Variants in ZFC3H1 observed in about 807,000 individuals in gnomAD.
ZFC3H1 encodes the protein zinc finger C3H1-type containing, also known as zinc finger C3H1 domain-containing protein.
A neutral mutation model predicts 243.7 loss-of-function variants in ZFC3H1; 71 were observed. The observed-to-expected ratio is 0.29, with a 90% CI of 0.24 to 0.36. The LOEUF (loss-of-function observed/expected upper bound fraction) is 0.36. Among genes scored for constraint, ZFC3H1 ranks in the 10% least tolerant of loss-of-function variants. ZFC3H1 has a pLI of 1.00. For synonymous variants in ZFC3H1, 838 were observed against 813.0 expected (o/e 1.03, Z -0.52); for missense variants, 1,966 against 2,317.1 (o/e 0.85, Z 3.11).
chr12:71,642,238 C>T (rs1880618666), intron 6 of ZFC3H1, among the ~76,000 whole-genome samples, 198 bp downstream of exon 6: 5 of 152,304 alleles, frequency 3.3e-5, no homozygotes, highest in African/African-American at 1.2e-4. Flanking sequence ...TCTAGAAACA[C>T]TCGGAAATAA....
chr12:71,658,211 T>G (rs953189680), intron 1 of ZFC3H1, among the ~76,000 whole-genome samples: 1 of 150,950 alleles, frequency 6.6e-6, no homozygotes, highest in Non-Finnish European at 1.5e-5. Flanking sequence ...TTGTTATACC[T>G]CATTTTTCCA....
intron 1 of ZFC3H1, among the ~76,000 whole-genome samples, chr12:71,661,015 C>G (rs951188133): frequency 3.3e-5 from 5 of 151,652 alleles, no homozygotes; most frequent in Admixed American, 2.6e-4. Context: ...TAAAAACCAT[C>G]CACATTGGCT....
intron 19 of ZFC3H1, 53 bp downstream of exon 19, chr12:71,629,556 T>TAC (rs35067681): frequency 0.036 from 24,413 of 685,608 alleles, 99 homozygotes; most frequent in South Asian, 0.052. Context: ...AGAGATACAG[T>TAC]ACACACACAC....
At chr12:71,627,687 A>G in intron 21 of ZFC3H1, 64 bp downstream of exon 21, 1 of 1,502,846 alleles carries the variant, frequency 6.7e-7, no homozygotes, top group Non-Finnish European at 9.0e-7. Context: ...CCATAGGTAA[A>G]AAAACCTCAA....
chr12:71,651,995 C>A (rs1402402879), intron 2 of ZFC3H1, among the ~76,000 whole-genome samples: 1 of 152,130 alleles, frequency 6.6e-6, no homozygotes, highest in Non-Finnish European at 1.5e-5. Context: ...AAGTGAAAAG[C>A]TGGAATTGAG....
intron 9 of ZFC3H1, 21 bp from the exon 10 acceptor site, chr12:71,635,601 T>C (rs1342449812): frequency 6.6e-7 from 1 of 1,515,346 alleles, no homozygotes; most frequent in African/African-American, 1.4e-5. Context: ...AATATATTTA[T>C]TACTCGTGAT....
chr12:71,611,037 T>C (rs1228222008), intron 33 of ZFC3H1, 21 bp downstream of exon 33: 1 of 1,595,680 alleles, frequency 6.3e-7, no homozygotes, highest in East Asian at 2.2e-5. Context: ...GTGACCCATC[T>C]GAGATTCAAC....
At chr12:71,612,013 A>T (rs1456804761) in intron 31 of ZFC3H1, 126 bp from the exon 32 acceptor site, 2 of 520,366 alleles carry the variant, frequency 3.8e-6, no homozygotes, top group Non-Finnish European at 6.8e-6. Flanking sequence ...TACCCAGCAA[A>T]TATTTTAGAA....
At chr12:71,656,429 C>T in intron 2 of ZFC3H1, 1 of 582,516 alleles carries the variant, frequency 1.7e-6, no homozygotes, top group South Asian at 2.3e-5. Flanking sequence ...ATTCATTACA[C>T]TAACAAATTA....
chr12:71,656,761 A>G (rs1429687136), intron 2 of ZFC3H1, 124 bp downstream of exon 2: 2 of 1,005,918 alleles, frequency 2.0e-6, no homozygotes, highest in Non-Finnish European at 2.9e-6. Flanking sequence ...GAATGTCTAC[A>G]TAGAAAGTAC....
intron 13 of ZFC3H1, 105 bp downstream of exon 13, chr12:71,633,159 T>A: frequency 2.1e-6 from 3 of 1,397,846 alleles, no homozygotes; most frequent in Non-Finnish European, 2.9e-6. Context: ...AACTATAGGT[T>A]ATGCATATTT....
chr12:71,631,964 T>C lies in ZFC3H1; in HGVS notation c.3360+8A>G. 6.2e-7 allele frequency: 1 copy of C among 1,602,690 alleles called. No individual in the cohort carries two copies. The highest frequency in any genetic ancestry group is 8.5e-7 in the Non-Finnish European group (1 of 1,175,812). On this transcript the variant is annotated splice_region_variant and intron_variant, in intron 15 of 34. Transcript: ENST00000378743. ...AGATTTTAAAGAAAATATGAAATGT[T>C]CAGTTACCTGACCATGCAAAACCTT...
chr12:71,642,175 G>C (rs1446695295), intron 6 of ZFC3H1, among the ~76,000 whole-genome samples: 1 of 152,104 alleles, frequency 6.6e-6, no homozygotes, highest in African/African-American at 2.4e-5. Flanking sequence ...AGAGCAAACA[G>C]TTAACAGAGT....
Position 71,647,786 on chromosome 12 carries a change from G to GCT in ZFC3H1, c.1042_1043insAG (p.Thr348LysfsTer47). On this transcript the variant is annotated frameshift_variant, in exon 3 of 35. Transcript: ENST00000378743. LOFTEE classifies it high-confidence loss of function. ...AATATCTGAGGTACTAATTCTTCTT[G>GCT]TTAAATTTTGTTCTTTATCTTGTAA... The GCT allele has an allele frequency of 6.9e-7, 1 of 1,447,840 alleles. No homozygotes were observed. The highest frequency in any genetic ancestry group is 9.4e-7 in the Non-Finnish European group (1 of 1,061,158). The allele number at this position is 1,447,840 out of a possible 1,614,324, so 89.7% of individuals were successfully genotyped here.
chr12:71,617,995 T>C (rs923079421), intron 27 of ZFC3H1, among the ~76,000 whole-genome samples: 8 of 152,168 alleles, frequency 5.3e-5, no homozygotes, highest in African/African-American at 1.9e-4. Flanking sequence ...CCGGGCGCAG[T>C]GGCTCACACC....
At position 71,656,986 on chromosome 12, in the gene ZFC3H1, C is replaced by T. The variant is rs1298422996; in HGVS notation, c.914G>A (p.Arg305Lys). The T allele has an allele frequency of 6.2e-7, 1 of 1,613,586 alleles. No homozygotes were observed. Among genetic ancestry groups the T allele is most frequent in the Admixed American group, 1.7e-5 (1 of 59,984 alleles). ...TFQAFELKPL[R>K]QKLTLPGDKN... ...ATCTCCTGGTAAAGTCAATTTTTGC[C>T]TGAGTGGTTTTAATTCAAATGCCTG... Residue 305 changes from arginine (R) to lysine (K), a missense_variant, in exon 2 of 35, where the codon AGG (arginine) becomes AAG (lysine). Arg to Lys is a conservative substitution (Grantham distance 26). This residue lies in a region of ZFC3H1 where 484 missense variants were observed against 449.7 expected (regional missense o/e 1.08). Transcript: ENST00000378743.
At chr12:71,610,853 TC>T in intron 33 of ZFC3H1, 96 bp from the exon 34 acceptor site, 1 of 1,445,930 alleles carries the variant, frequency 6.9e-7, no homozygotes, top group Non-Finnish European at 9.5e-7. Flanking sequence ...CACAATAACA[TC>T]TGAGACAAAA....
chr12:71,627,140 C>T (rs1311524406), intron 21 of ZFC3H1, among the ~76,000 whole-genome samples: 1 of 151,218 alleles, frequency 6.6e-6, no homozygotes, highest in African/African-American at 2.4e-5. Context: ...AAAAAAAAAC[C>T]CTTGAATTAT....
Position 71,634,323 on chromosome 12 carries a change from A to T in ZFC3H1, c.2361-19T>A. 1 of 1,610,364 alleles carries T rather than the reference A, an allele frequency of 6.2e-7. No homozygotes were observed. The highest frequency in any genetic ancestry group is 8.5e-7 in the Non-Finnish European group (1 of 1,178,622). The stretch of plus-strand genomic sequence containing the variant: ...CTCACGGCTAAAATTATCAAAAAGG[A>T]TATATGCATTACACCCAAGAATAAA... On this transcript the variant is annotated intron_variant, in intron 11 of 34. Coordinates refer to ENST00000378743, the MANE Select transcript of ZFC3H1 (RefSeq NM_144982.5).
Sources: allele counts gnomAD v4.1 joint callset (sites outside exome capture counted in the v4.1 genomes callset), GRCh38; gene constraint gnomAD v4.1.1; regional missense constraint gnomAD v4.1.1; transcripts MANE v1.5; gene names NCBI Gene and HGNC (gene_info 2026-07-23, HGNC 2026-07-21).